The following APBB2 variants were observed in gnomAD, a reference collection of about 807,000 sequenced individuals.
The protein encoded by APBB2 is Fe65-like 1.
APBB2 carries 38 observed loss-of-function variants against 82.5 expected under a neutral mutation model. The observed-to-expected ratio is 0.46, with a 90% CI of 0.36 to 0.60. APBB2 has a LOEUF of 0.60. Ranked by LOEUF, APBB2 falls within the 20% of genes least tolerant of loss-of-function variation. The pLI is 0.00. For missense variants in APBB2, 772 were observed against 972.3 expected (o/e 0.79, Z 2.74); for synonymous variants, 341 against 368.2 (o/e 0.93, Z 0.85).
chr4:41,007,882 T>A (rs1160332711), intron 6 of APBB2, among the ~76,000 whole-genome samples: 3 of 152,162 alleles, frequency 2.0e-5, no homozygotes, highest in African/African-American at 7.2e-5. Context: ...AATGGAAACT[T>A]TTGAGTAATG....
At chr4:41,068,872 T>G (rs1276663642) in intron 3 of APBB2, among the ~76,000 whole-genome samples, 1 of 141,102 alleles carries the variant, frequency 7.1e-6, no homozygotes, top group Non-Finnish European at 1.5e-5. Context: ...CTCAGCTTAC[T>G]GCAACCTCCG....
chr4:40,821,921 A>G lies in APBB2; in HGVS notation c.2062T>C (p.Cys688Arg). The G allele has an allele frequency of 6.2e-7, 1 of 1,614,104 alleles. No homozygotes were observed. Among genetic ancestry groups the G allele is most frequent in the Non-Finnish European group, 8.5e-7 (1 of 1,180,040 alleles). The change falls in exon 17 of 18, where the codon TGC becomes CGC. Residue 688 changes from cysteine to arginine, a missense_variant. Cys to Arg is a radical substitution (Grantham distance 180). Coordinates refer to ENST00000508593, the MANE Select transcript of APBB2 (RefSeq NM_004307.2). The part of the protein sequence containing the change: ...NQRFECHVFW[C>R]EPNAGNVSEA... Reference sequence around the variant, plus strand: ...GACACGTTACCAGCATTAGGCTCGCACCAGAAAACGTGGCACTCAAAGCGC... The same window carrying G: ...GACACGTTACCAGCATTAGGCTCGCGCCAGAAAACGTGGCACTCAAAGCGC...
chr4:41,198,369 A>G, intron 1 of APBB2, among the ~76,000 whole-genome samples: 1 of 152,244 alleles, frequency 6.6e-6, no homozygotes, highest in African/African-American at 2.4e-5. Context: ...GAGGAAGTTC[A>G]GGAGATATTT....
intron 3 of APBB2, among the ~76,000 whole-genome samples, chr4:41,077,199 T>G (rs1358713546): frequency 2.9e-5 from 4 of 137,136 alleles, no homozygotes; most frequent in African/African-American, 1.1e-4. Context: ...TTGGAAGAGA[T>G]AAGGACTCAC....
chr4:40,828,775 G>T (rs534607038), intron 13 of APBB2, among the ~76,000 whole-genome samples: 1 of 152,022 alleles, frequency 6.6e-6, no homozygotes, highest in Non-Finnish European at 1.5e-5. Flanking sequence ...GGGAATAAAC[G>T]TGGTGATCTC....
chr4:41,094,822 C>G (rs1164504653), intron 3 of APBB2, among the ~76,000 whole-genome samples: 1 of 152,140 alleles, frequency 6.6e-6, no homozygotes, highest in Non-Finnish European at 1.5e-5. Flanking sequence ...GCTTTGGCCT[C>G]CCAAAGTGCT....
intron 12 of APBB2, among the ~76,000 whole-genome samples, chr4:40,846,803 C>T (rs1430549356): frequency 6.6e-6 from 1 of 152,122 alleles, no homozygotes; most frequent in African/African-American, 2.4e-5. Flanking sequence ...TAGTTACCAG[C>T]CTGCTTACTA....
intron 10 of APBB2, among the ~76,000 whole-genome samples, chr4:40,907,839 G>T (rs926051653): frequency 2.1e-4 from 30 of 146,120 alleles, no homozygotes; most frequent in African/African-American, 4.8e-4. Flanking sequence ...AAAAAGGTGG[G>T]TTTTTTTTTT....
intron 12 of APBB2, among the ~76,000 whole-genome samples, chr4:40,836,446 C>T (rs1423173646): frequency 6.6e-6 from 1 of 152,184 alleles, no homozygotes. Flanking sequence ...CACTGCACTC[C>T]TGCCTAGGCA....
chr4:40,958,437 G>A (rs866843495), intron 6 of APBB2, among the ~76,000 whole-genome samples: 16 of 152,110 alleles, frequency 1.1e-4, no homozygotes, highest in African/African-American at 3.4e-4. Context: ...GAAAACTAGA[G>A]ACAATTATGG....
intron 3 of APBB2, among the ~76,000 whole-genome samples, chr4:41,076,368 C>T (rs1025869559): frequency 6.6e-6 from 1 of 152,088 alleles, no homozygotes; most frequent in African/African-American, 2.4e-5. Context: ...CTTGCTATGC[C>T]CCTCCTCCCA....
chr4:41,023,198 A>G (rs1358002713), intron 5 of APBB2, among the ~76,000 whole-genome samples: 2 of 152,140 alleles, frequency 1.3e-5, no homozygotes, highest in Admixed American at 1.3e-4. Context: ...TATCAGCTCA[A>G]AGCTCATTTC....
chr4:40,937,555 T>C (rs1785686663), intron 7 of APBB2, among the ~76,000 whole-genome samples: 1 of 152,212 alleles, frequency 6.6e-6, no homozygotes, highest in Non-Finnish European at 1.5e-5. Context: ...AGGCTCTGTA[T>C]AGTGATTTTA....
At chr4:40,951,834 TATAAGAACATGTTTTC>T (rs1790261954) in intron 6 of APBB2, among the ~76,000 whole-genome samples, 1 of 152,160 alleles carries the variant, frequency 6.6e-6, no homozygotes, top group East Asian at 1.9e-4. Context: ...AAAGTCACAA[TATAAGAACATGTTTTC>T]ATAGGTCCCA....
At position 40,891,181 on chromosome 4, in the gene APBB2, T is replaced by C. The variant is rs370365268; in HGVS notation, c.1402-690A>G. Reference sequence around the variant, plus strand: ...CTTGCTCAGGGTCTGACATAGAACCTGTGGGTGCTGCTGGGATCCCAGCAC... The same window carrying C: ...CTTGCTCAGGGTCTGACATAGAACCCGTGGGTGCTGCTGGGATCCCAGCAC... On this transcript the variant is annotated intron_variant, in intron 11 of 17. Transcript: ENST00000508593. Among the ~76,000 whole-genome samples the C allele has an allele frequency of 4.6e-5, 7 of 152,348 alleles. 1 individual carries two copies. Among genetic ancestry groups the C allele is most frequent in the Admixed American group, 1.3e-4 (2 of 15,298 alleles).
intron 1 of APBB2, among the ~76,000 whole-genome samples, chr4:41,191,227 T>C (rs1323462097): frequency 6.6e-6 from 1 of 152,202 alleles, no homozygotes; most frequent in Non-Finnish European, 1.5e-5. Context: ...TTTCCTCCTT[T>C]GTCCACTTTA....
At chr4:41,005,170 CA>C (rs147652977) in intron 6 of APBB2, among the ~76,000 whole-genome samples, 5,715 of 152,218 alleles carry the variant, frequency 0.038, 199 homozygotes, top group African/African-American at 0.097. Context: ...CAGCTCACTG[CA>C]ACCTCAGCCT....
intron 6 of APBB2, among the ~76,000 whole-genome samples, chr4:40,995,496 C>A (rs1803378389): frequency 6.6e-6 from 1 of 151,316 alleles, no homozygotes. Context: ...TCCTGAGTAG[C>A]TGGGACCACA....
At chr4:41,213,166 C>A (rs1253307566) in intron 1 of APBB2, among the ~76,000 whole-genome samples, 1 of 151,466 alleles carries the variant, frequency 6.6e-6, no homozygotes, top group East Asian at 1.9e-4. Flanking sequence ...TTTTTTAAAT[C>A]AGTGAAATAT....
Sources: gnomAD v4.1 joint callset for allele counts (sites outside exome capture counted in the v4.1 genomes callset) on GRCh38, gnomAD v4.1.1 for gene constraint, MANE v1.5 for transcripts, NCBI Gene and HGNC (gene_info 2026-07-23, HGNC 2026-07-21) for gene names.